TBXAS1: variants seen among roughly 807,000 people sequenced by gnomAD.
The protein encoded by TBXAS1 is thromboxane-A synthase.
A neutral mutation model predicts 60.7 loss-of-function variants in TBXAS1; 48 were observed. The observed-to-expected ratio is 0.79, with a 90% CI of 0.63 to 1.01. TBXAS1 has a LOEUF of 1.01. TBXAS1 is among the 50% of genes least tolerant of loss of function. The pLI, the probability that TBXAS1 is intolerant of heterozygous loss-of-function variation, is 0.00. For synonymous variants in TBXAS1, 287 were observed against 269.7 expected (o/e 1.06, Z -0.63); for missense variants, 685 against 686.3 (o/e 1.00, Z 0.02).
At chr7:139,830,538 A>AT (rs8192800) in intron 1 of TBXAS1, among the ~76,000 whole-genome samples, 14,267 of 150,506 alleles carry the variant, frequency 0.095, 761 homozygotes, top group Non-Finnish European at 0.12. Context: ...AACTGGTTTA[A>AT]TTTTTTTTTT....
chr7:140,019,054 G>A (rs1815324541), intron 12 of TBXAS1, among the ~76,000 whole-genome samples: 1 of 152,206 alleles, frequency 6.6e-6, no homozygotes, highest in Non-Finnish European at 1.5e-5. Flanking sequence ...CTGTTCAGCT[G>A]CAGACCTGGA....
intron 7 of TBXAS1, among the ~76,000 whole-genome samples, chr7:139,956,374 G>C (rs371191685): frequency 6.6e-6 from 1 of 152,118 alleles, no homozygotes; most frequent in Non-Finnish European, 1.5e-5. Flanking sequence ...TCAAACTCCC[G>C]ACCTCAGGTG....
chr7:139,963,843 T>C (rs1239837929), intron 9 of TBXAS1, among the ~76,000 whole-genome samples: 1 of 152,210 alleles, frequency 6.6e-6, no homozygotes, highest in Non-Finnish European at 1.5e-5. Context: ...CAAATCTTTG[T>C]CTAGGTCTCA....
In TBXAS1 at chr7:140,007,130, T is replaced by C. The variant is rs1814139280; in HGVS notation, c.1174T>C (p.Tyr392His). The C allele has an allele frequency of 6.2e-7, 1 of 1,614,034 alleles. No individual in the cohort carries two copies. The highest frequency in any genetic ancestry group is 8.5e-7 in the Non-Finnish European group (1 of 1,180,036). Reference protein sequence around the residue: ...EFCSLEEGLPYLDMVIAETLR... With the variant: ...EFCSLEEGLPHLDMVIAETLR... ...CTGCAGCCTCGAGGAAGGCCTGCCC[T>C]ATCTGGACATGGTGATTGCAGAGAC... The change falls in exon 10 of 13, where the codon TAT (tyrosine) becomes CAT (histidine). Residue 392 changes from tyrosine (Y) to histidine (H), a missense_variant. Coordinates refer to ENST00000448866, the MANE Select transcript of TBXAS1 (RefSeq NM_001061.7).
intron 4 of TBXAS1, among the ~76,000 whole-genome samples, chr7:139,805,279 G>A (rs541882527): frequency 6.6e-6 from 1 of 152,360 alleles, no homozygotes; most frequent in South Asian, 2.1e-4. Context: ...GAAACTGAGG[G>A]CTCAGTTAAG....
intron 5 of TBXAS1, among the ~76,000 whole-genome samples, chr7:139,945,240 C>T (rs192841483): frequency 6.6e-6 from 1 of 152,250 alleles, no homozygotes; most frequent in Non-Finnish European, 1.5e-5. Flanking sequence ...AAGCAACTGT[C>T]TCAACCTGAT....
intron 10 of TBXAS1, among the ~76,000 whole-genome samples, chr7:140,012,697 G>A (rs534817375): frequency 6.6e-6 from 1 of 152,232 alleles, no homozygotes; most frequent in Admixed American, 6.5e-5. Context: ...GACCTCAGGT[G>A]ATCCACACAC....
Position 139,962,246 on chromosome 7 carries a change from TGGATCCAGTTACCCATGGGATATCCATA to T in TBXAS1, c.1134+17_1134+44del. The T allele has an allele frequency of 1.9e-6, 3 of 1,613,972 alleles. No homozygotes were observed. The highest frequency in any genetic ancestry group is 1.7e-6 in the Non-Finnish European group (2 of 1,180,010). ...TAAGGAGAAACACGTGAGTACAAGT[TGGATCCAGTTACCCATGGGATATCCATA>T]GGACAATTGATTTTGTGTTTGTGGG... On this transcript the variant is annotated intron_variant, in intron 9 of 12. Coordinates refer to ENST00000448866, the MANE Select transcript of TBXAS1 (RefSeq NM_001061.7).
At chr7:139,808,531 G>C (rs947260920) in intron 4 of TBXAS1, among the ~76,000 whole-genome samples, 3 of 151,970 alleles carry the variant, frequency 2.0e-5, no homozygotes, top group African/African-American at 7.3e-5. Context: ...ACATGTAACA[G>C]CTTGCTGGCA....
chr7:139,872,739 A>G (rs939922794), intron 2 of TBXAS1, among the ~76,000 whole-genome samples: 6 of 152,212 alleles, frequency 3.9e-5, no homozygotes, highest in Non-Finnish European at 8.8e-5. Context: ...GGTCTTGTCC[A>G]GGTCCCCACA....
chr7:140,005,218 C>G (rs1411549357), intron 9 of TBXAS1, among the ~76,000 whole-genome samples: 1 of 152,184 alleles, frequency 6.6e-6, no homozygotes, highest in East Asian at 1.9e-4. Flanking sequence ...CACTTGAGGT[C>G]AGAAGTTGGA....
intron 4 of TBXAS1, among the ~76,000 whole-genome samples, chr7:139,800,791 C>T (rs1007081533): frequency 1.3e-5 from 2 of 152,150 alleles, no homozygotes; most frequent in Non-Finnish European, 2.9e-5. Flanking sequence ...TCTCATATTT[C>T]CTCATGTCCT....
At chr7:139,808,706 C>G (rs778266477) in intron 4 of TBXAS1, among the ~76,000 whole-genome samples, 38 of 152,112 alleles carry the variant, frequency 2.5e-4, no homozygotes, top group Non-Finnish European at 5.0e-4. Flanking sequence ...GTCCCTCTGC[C>G]ACTCCATCAC....
intron 3 of TBXAS1, among the ~76,000 whole-genome samples, chr7:139,887,878 C>T (rs944828920): frequency 3.9e-5 from 6 of 152,204 alleles, no homozygotes; most frequent in Non-Finnish European, 7.3e-5. Flanking sequence ...TACCATTTCA[C>T]CTTTGGAGGA....
At chr7:139,950,652 C>T (rs1398471262) in intron 5 of TBXAS1, among the ~76,000 whole-genome samples, 1 of 151,742 alleles carries the variant, frequency 6.6e-6, no homozygotes, top group Admixed American at 6.6e-5. Context: ...CTTTGATCTA[C>T]AGGACTCCCT....
rs192586674 is a variant in TBXAS1, at chr7:139,984,154, C to A, written c.1134+21921C>A. ...TGTGGCCCTGGGGCATGACACAGTT[C>A]CCCCTAAGCCTCGCTTCTTCACTGT... On this transcript the variant is annotated intron_variant, in intron 9 of 12. Transcript: ENST00000448866. Among the ~76,000 whole-genome samples, 9 of 152,348 alleles carry A rather than the reference C, an allele frequency of 5.9e-5. No homozygotes were observed. The East Asian group carries it at 1.2e-3, about 20-fold the overall frequency.
chr7:139,911,394 A>T lies in TBXAS1; in HGVS notation c.333+73A>T, dbSNP rs957260516. ...GATGGAGACACTGCATGTCAGATCC[A>T]ATGGGGATGCAATCAGGCCTCTGAT... On this transcript the variant is annotated intron_variant, in intron 4 of 12. Transcript: ENST00000448866. 9.9e-6 allele frequency: 13 copies of T among 1,318,958 alleles called. No individual in the cohort carries two copies. The Admixed American group carries it at 2.2e-4, about 22-fold the overall frequency. The allele number at this position is 1,318,958 out of a possible 1,614,324, so 81.7% of individuals were successfully genotyped here.
intron 4 of TBXAS1, among the ~76,000 whole-genome samples, chr7:139,917,324 A>C (rs569494947): frequency 1.3e-4 from 20 of 152,266 alleles, no homozygotes; most frequent in Admixed American, 1.1e-3. Context: ...TCTTCTTCTT[A>C]TAACACCCAC....
chr7:139,796,010 C>T (rs920943454), intron 4 of TBXAS1, among the ~76,000 whole-genome samples: 3 of 152,180 alleles, frequency 2.0e-5, no homozygotes, highest in Non-Finnish European at 4.4e-5. Context: ...ACCCTGGACA[C>T]ATATACACAA....
Sources: gnomAD v4.1 joint callset for allele counts (sites outside exome capture counted in the v4.1 genomes callset) on GRCh38, gnomAD v4.1.1 for gene constraint, MANE v1.5 for transcripts, NCBI Gene and HGNC (gene_info 2026-07-23, HGNC 2026-07-21) for gene names.